LAMA2: variants seen among roughly 807,000 people sequenced by gnomAD.
The protein encoded by LAMA2 is laminin subunit alpha 2, also known as laminin subunit alpha-2.
A neutral mutation model predicts 364.8 loss-of-function variants in LAMA2; 269 were observed. The observed-to-expected ratio is 0.74, with a 90% CI of 0.67 to 0.82. LAMA2 has a LOEUF of 0.82. Among genes scored for constraint, LAMA2 ranks in the 40% least tolerant of loss-of-function variants. The pLI, the probability that LAMA2 is intolerant of heterozygous loss-of-function variation, is 0.00. For synonymous variants in LAMA2, 1,379 were observed against 1,370.6 expected, an observed-to-expected ratio of 1.01 and a Z score of -0.14; for missense variants, 3,807 against 3,873.2, an observed-to-expected ratio of 0.98 and a Z score of 0.45.
chr6:129,356,106 G>A (rs544935423), intron 32 of LAMA2, among the ~76,000 whole-genome samples: 3 of 152,188 alleles, frequency 2.0e-5, no homozygotes, highest in East Asian at 3.9e-4. Context: ...AGGGACAGTT[G>A]CCAGTGACCC....
intron 4 of LAMA2, among the ~76,000 whole-genome samples, chr6:129,106,132 C>A (rs1228466113): frequency 6.6e-6 from 1 of 151,662 alleles, no homozygotes; most frequent in Non-Finnish European, 1.5e-5. Context: ...CTGGAGAAAC[C>A]ATCATTAAAT....
At chr6:129,268,663 C>G (rs550985187) in intron 16 of LAMA2, among the ~76,000 whole-genome samples, 1 of 152,128 alleles carries the variant, frequency 6.6e-6, no homozygotes, top group Non-Finnish European at 1.5e-5. Flanking sequence ...AGGGAGAGAA[C>G]AGACCCTACT....
chr6:129,171,018 A>G (rs1433517351), intron 9 of LAMA2, among the ~76,000 whole-genome samples: 1 of 150,374 alleles, frequency 6.7e-6, no homozygotes. Context: ...TTTGTTTTCC[A>G]TTTGCTTGGT....
intron 12 of LAMA2, among the ~76,000 whole-genome samples, chr6:129,249,243 C>G (rs937084686): frequency 6.6e-6 from 1 of 152,148 alleles, no homozygotes; most frequent in African/African-American, 2.4e-5. Context: ...CAGCAGAATA[C>G]AGATCATCAG....
At chr6:129,455,256 T>C (rs1292915503) in intron 47 of LAMA2, among the ~76,000 whole-genome samples, 1 of 151,814 alleles carries the variant, frequency 6.6e-6, no homozygotes, top group Admixed American at 6.6e-5. Flanking sequence ...AAAAAAAAAG[T>C]TATAAAAAAA....
intron 14 of LAMA2, among the ~76,000 whole-genome samples, chr6:129,260,235 C>A (rs1787021805): frequency 6.6e-6 from 1 of 152,058 alleles, no homozygotes; most frequent in South Asian, 2.1e-4. Flanking sequence ...TACAAACAAG[C>A]AGATTTATCT....
intron 12 of LAMA2, among the ~76,000 whole-genome samples, chr6:129,218,943 G>A (rs1275921921): frequency 6.6e-6 from 1 of 152,106 alleles, no homozygotes; most frequent in Non-Finnish European, 1.5e-5. Context: ...ATGGTATTGT[G>A]ATAAAAGTAC....
At chr6:129,132,997 A>C (rs1486681123) in intron 4 of LAMA2, among the ~76,000 whole-genome samples, 2 of 152,100 alleles carry the variant, frequency 1.3e-5, no homozygotes, top group African/African-American at 4.8e-5. Context: ...TAACTCTCTG[A>C]ACACACACAC....
At chr6:129,356,614 A>G (rs73587375) in intron 32 of LAMA2, among the ~76,000 whole-genome samples, 4 of 152,052 alleles carry the variant, frequency 2.6e-5, no homozygotes, top group African/African-American at 7.2e-5. Context: ...CTTAACCTCT[A>G]TGCTGGCTAC....
chr6:128,900,922 C>T (rs1399811657), intron 1 of LAMA2, among the ~76,000 whole-genome samples: 1 of 152,180 alleles, frequency 6.6e-6, no homozygotes, highest in African/African-American at 2.4e-5. Context: ...AAGGCCAAGG[C>T]AGGAGGATGG....
chr6:129,051,731 T>C (rs1788054064), intron 2 of LAMA2, among the ~76,000 whole-genome samples: 1 of 145,734 alleles, frequency 6.9e-6, no homozygotes, highest in Non-Finnish European at 1.5e-5. Context: ...GATAGATATA[T>C]AGAGGCCAGA....
intron 4 of LAMA2, among the ~76,000 whole-genome samples, chr6:129,114,313 G>C (rs1274703983): frequency 6.6e-6 from 1 of 152,020 alleles, no homozygotes; most frequent in Non-Finnish European, 1.5e-5. Context: ...GGGTTATTCT[G>C]AAAAATACTG....
chr6:129,044,556 C>CATAT (rs140218566), intron 1 of LAMA2, among the ~76,000 whole-genome samples: 30 of 148,202 alleles, frequency 2.0e-4, no homozygotes, highest in Non-Finnish European at 3.6e-4. Flanking sequence ...ATCCTATTAC[C>CATAT]ATATATATAT....
chr6:129,395,179 A>T (rs1779541615), intron 37 of LAMA2, among the ~76,000 whole-genome samples: 1 of 151,990 alleles, frequency 6.6e-6, no homozygotes, highest in East Asian at 1.9e-4. Context: ...GGCTAATCTG[A>T]TGCCTATACA....
intron 32 of LAMA2, among the ~76,000 whole-genome samples, chr6:129,363,328 TG>T (rs1159157902): frequency 9.2e-5 from 14 of 152,194 alleles, no homozygotes; most frequent in African/African-American, 3.4e-4. Flanking sequence ...ATAGAAATAC[TG>T]ATGGTTAGAC....
At chr6:129,208,771 G>A (rs920976982) in intron 12 of LAMA2, among the ~76,000 whole-genome samples, 1 of 150,664 alleles carries the variant, frequency 6.6e-6, no homozygotes, top group African/African-American at 2.5e-5. Context: ...AAGCAGGGAG[G>A]GCAAGGAAAG....
rs2114839330 is a variant in LAMA2 at position 129,481,256 on chromosome 6, C to T, written c.7573-7C>T. 3 of 1,612,016 alleles carry T rather than the reference C, an allele frequency of 1.9e-6. No individual in the cohort carries two copies. The highest frequency in any genetic ancestry group is 8.5e-7 in the Non-Finnish European group (1 of 1,178,212). ...TGGTTTCTACTCTTCTTTTCCTTTA[C>T]TCACAGAATGTTTACACAGTTAGCT... On this transcript the variant is annotated splice_region_variant and splice_polypyrimidine_tract_variant and intron_variant, in intron 54 of 64. Transcript: ENST00000421865.
chr6:129,212,649 T>A (rs959470860), intron 12 of LAMA2, among the ~76,000 whole-genome samples: 5 of 152,204 alleles, frequency 3.3e-5, no homozygotes, highest in African/African-American at 1.2e-4. Context: ...TACTTTCTAG[T>A]CAAGGTGGGT....
At chr6:129,135,030 G>A (rs1777700544) in intron 4 of LAMA2, among the ~76,000 whole-genome samples, 1 of 152,116 alleles carries the variant, frequency 6.6e-6, no homozygotes, top group South Asian at 2.1e-4. Flanking sequence ...TCCCATGACA[G>A]GTCCTACATG....
Sources: gnomAD v4.1 joint callset for allele counts (sites outside exome capture counted in the v4.1 genomes callset) on GRCh38, gnomAD v4.1.1 for gene constraint, MANE v1.5 for transcripts, NCBI Gene and HGNC (gene_info 2026-07-23, HGNC 2026-07-21) for gene names.